IMPG2: variants seen among roughly 807,000 people sequenced by gnomAD.
IMPG2 encodes the protein interphotoreceptor matrix proteoglycan 2.
IMPG2 carries 91 observed loss-of-function variants against 129.2 expected under a neutral mutation model. The ratio of observed to expected loss-of-function variants is 0.70; its 90% CI spans 0.59 to 0.84. The LOEUF is 0.84. Among genes scored for constraint, IMPG2 ranks in the 40% least tolerant of loss-of-function variants. IMPG2 has a pLI of 0.00. For synonymous variants in IMPG2, 510 were observed against 517.7 expected, an observed-to-expected ratio of 0.99 and a Z score of 0.20; for missense variants, 1,430 against 1,461.7, an observed-to-expected ratio of 0.98 and a Z score of 0.35.
chr3:101,270,569 GC>G (rs1490486632), intron 7 of IMPG2, among the ~76,000 whole-genome samples: 1 of 152,054 alleles, frequency 6.6e-6, no homozygotes, highest in East Asian at 1.9e-4. Context: ...TCAGGTTGAG[GC>G]GGGTGGATCA....
At position 101,304,034 on chromosome 3, in the gene IMPG2, C is replaced by T; in HGVS notation, c.501+112G>A. On this transcript the variant is annotated intron_variant, in intron 3 of 18. Transcript: ENST00000193391. The stretch of plus-strand genomic sequence containing the variant: ...GGCAGCTTACTCAGATAGCCCAATT[C>T]AACAAAAGAGTAATACAGGCATTTG... 2.6e-6 allele frequency: 3 copies of T among 1,148,454 alleles called. 1 individual carries two copies. The highest frequency in any genetic ancestry group is 2.5e-5 in the South Asian group (2 of 80,994). 71.1% of individuals were successfully genotyped at this position (1,148,454 alleles called of 1,614,324 possible).
At chr3:101,237,125 C>T (rs1706355840) in intron 14 of IMPG2, among the ~76,000 whole-genome samples, 1 of 152,152 alleles carries the variant, frequency 6.6e-6, no homozygotes, top group Non-Finnish European at 1.5e-5. Flanking sequence ...GTGGAGCCCA[C>T]CACAGCTTAG....
Position 101,226,866 on chromosome 3 carries a change from T to C in IMPG2, c.*103A>G. 2 of 1,248,146 alleles carry C rather than the reference T, an allele frequency of 1.6e-6. No homozygotes were observed. The highest frequency in any genetic ancestry group is 2.3e-6 in the Non-Finnish European group (2 of 865,064). The allele number at this position is 1,248,146 out of a possible 1,614,324, so 77.3% of individuals were successfully genotyped here. A position where few individuals can be genotyped will look rare whatever the true frequency, so the allele number is the denominator to read the frequency against. On this transcript the variant is annotated 3_prime_UTR_variant, in exon 19 of 19. Coordinates refer to ENST00000193391, the MANE Select transcript of IMPG2 (RefSeq NM_016247.4). ...TATTTAATTTTTTCATAGAAAACTC[T>C]TCTTCCAACAGTGTTTAAAATCCAG...
intron 14 of IMPG2, among the ~76,000 whole-genome samples, chr3:101,237,613 T>C (rs958283408): frequency 1.3e-5 from 2 of 152,090 alleles, no homozygotes; most frequent in African/African-American, 4.8e-5. Context: ...CCAGCAGACC[T>C]GCAGCAGAGA....
At chr3:101,304,379 G>T in intron 2 of IMPG2, 67 bp from the exon 3 acceptor site, 1 of 1,408,698 alleles carries the variant, frequency 7.1e-7, no homozygotes, top group Non-Finnish European at 1.0e-6. Flanking sequence ...AATGATCATA[G>T]ACTGATTCGT....
Position 101,304,192 on chromosome 3 carries a change from C to T in IMPG2, c.455G>A (p.Gly152Asp), listed in dbSNP as rs867271343. 2 of 1,613,696 alleles carry T rather than the reference C, an allele frequency of 1.2e-6. No individual in the cohort carries two copies. The highest frequency in any genetic ancestry group is 8.5e-7 in the Non-Finnish European group (1 of 1,179,718). ...EDGVTSIFEM[G>D]TNFSESVEHR... is the part of the protein sequence containing the mutation. Reference sequence around the variant, plus strand: ...TTCCACAGATTCACTAAAATTTGTGCCCATTTCAAATATACTTGTGACTCC... The same window carrying T: ...TTCCACAGATTCACTAAAATTTGTGTCCATTTCAAATATACTTGTGACTCC... Residue 152 changes from glycine to aspartate, a missense_variant, in exon 3 of 19, where the codon GGC becomes GAC. Gly to Asp is a moderately conservative substitution (Grantham distance 94). Transcript: ENST00000193391.
chr3:101,297,892 A>T (rs1421455081), intron 3 of IMPG2, among the ~76,000 whole-genome samples: 1 of 152,212 alleles, frequency 6.6e-6, no homozygotes, highest in Non-Finnish European at 1.5e-5. Flanking sequence ...TGGGGTAGAG[A>T]GTTCTGTAGA....
chr3:101,280,238 CATA>C (rs1361506509), intron 4 of IMPG2, among the ~76,000 whole-genome samples: 1 of 152,194 alleles, frequency 6.6e-6, no homozygotes, highest in Non-Finnish European at 1.5e-5. Flanking sequence ...CCACATAGAA[CATA>C]TATTTAAAGA....
intron 3 of IMPG2, among the ~76,000 whole-genome samples, chr3:101,300,140 AGG>A (rs67196730): frequency 6.6e-6 from 1 of 152,198 alleles, no homozygotes; most frequent in Non-Finnish European, 1.5e-5. Flanking sequence ...CCCAGTGAGC[AGG>A]GACATGTCAA....
intron 3 of IMPG2, among the ~76,000 whole-genome samples, chr3:101,302,099 CTCT>C (rs1400729788): frequency 6.6e-5 from 10 of 152,236 alleles, no homozygotes; most frequent in African/African-American, 2.4e-4. Flanking sequence ...TTATCCCCAG[CTCT>C]TCTTCATTTA....
chr3:101,299,160 C>CT, intron 3 of IMPG2, among the ~76,000 whole-genome samples: 1 of 152,252 alleles, frequency 6.6e-6, no homozygotes, highest in East Asian at 1.9e-4. Flanking sequence ...TCTTCAAACT[C>CT]TAATATCCAC....
chr3:101,310,401 A>G (rs1291986036), intron 2 of IMPG2, among the ~76,000 whole-genome samples: 1 of 152,038 alleles, frequency 6.6e-6, no homozygotes, highest in East Asian at 1.9e-4. Context: ...TACGAAAATT[A>G]CAAAGAAATT....
At chr3:101,240,930 C>T (rs1706400331) in intron 14 of IMPG2, among the ~76,000 whole-genome samples, 1 of 152,182 alleles carries the variant, frequency 6.6e-6, no homozygotes, top group Admixed American at 6.5e-5. Context: ...ACTCCTCAAC[C>T]TCTGTCTCTG....
In IMPG2 at chr3:101,244,634, G is replaced by C; in HGVS notation, c.1697C>G (p.Pro566Arg). ...GGAGGTCAAGGAGTCCAAGCCAAAA[G>C]GTATAGAAGAGGTCAGATATGGTGA... ...TSSPYLTSSI[P>R]FGLDSLTSKV... The change falls in exon 13 of 19, where the codon CCT becomes CGT. Residue 566 changes from proline to arginine, a missense_variant. Coordinates refer to ENST00000193391, the MANE Select transcript of IMPG2 (RefSeq NM_016247.4). 6.2e-7 allele frequency: 1 copy of C among 1,606,674 alleles called. No homozygotes were observed. Among genetic ancestry groups the C allele is most frequent in the Non-Finnish European group, 8.5e-7 (1 of 1,176,252 alleles).
Position 101,319,705 on chromosome 3 carries a change from A to G in IMPG2, c.213T>C (p.Thr71=), listed in dbSNP as rs767155450. 16 of 1,613,698 alleles carry G rather than the reference A, an allele frequency of 9.9e-6. No individual in the cohort carries two copies. The highest frequency in any genetic ancestry group is 2.2e-5 in the South Asian group (2 of 91,082). ...GCCTTCTGATTAACCACTGTCTTTCAGTTTCTCTGCGGTCCAGAGGCTGTT... is the reference window on the plus strand; with the variant it reads ...GCCTTCTGATTAACCACTGTCTTTCGGTTTCTCTGCGGTCCAGAGGCTGTT... ...KKKQPLDRRE[T]ERQWLIRRRR... is the part of the protein sequence containing the mutation. Residue 71 remains threonine, a synonymous_variant, in exon 2 of 19, where the codon ACT becomes ACC. Transcript: ENST00000193391.
chr3:101,283,284 C>T (rs1368742163), intron 4 of IMPG2, among the ~76,000 whole-genome samples: 4 of 152,144 alleles, frequency 2.6e-5, no homozygotes, highest in Non-Finnish European at 5.9e-5. Context: ...CTCAGCCTCC[C>T]AAAGTGCTGG....
intron 2 of IMPG2, among the ~76,000 whole-genome samples, chr3:101,309,179 G>A (rs1707235729): frequency 6.6e-6 from 1 of 152,136 alleles, no homozygotes; most frequent in Admixed American, 6.5e-5. Flanking sequence ...ACATCTTCCT[G>A]TCTTCTTCGG....
intron 3 of IMPG2, among the ~76,000 whole-genome samples, chr3:101,296,190 G>A (rs1707078219): frequency 6.6e-6 from 1 of 152,064 alleles, no homozygotes; most frequent in South Asian, 2.1e-4. Flanking sequence ...ATGATATTGG[G>A]TGTGGGTTTT....
At chr3:101,228,570 T>G (rs1422795340) in intron 18 of IMPG2, among the ~76,000 whole-genome samples, 1 of 152,226 alleles carries the variant, frequency 6.6e-6, no homozygotes, top group Non-Finnish European at 1.5e-5. Context: ...GTCTCCAAGA[T>G]TTCCTTTCCT....
Sources: gnomAD v4.1 joint callset for allele counts (sites outside exome capture counted in the v4.1 genomes callset) on GRCh38, gnomAD v4.1.1 for gene constraint, MANE v1.5 for transcripts, NCBI Gene and HGNC (gene_info 2026-07-23, HGNC 2026-07-21) for gene names.